The following PTPRQ variants were observed in gnomAD, a reference collection of about 807,000 sequenced individuals.
The protein encoded by PTPRQ is protein tyrosine phosphatase receptor type Q, also known as phosphatidylinositol phosphatase PTPRQ.
Under a neutral mutation model 246.0 loss-of-function variants are expected in PTPRQ, and 199 were observed. The observed-to-expected ratio is 0.81, with a 90% CI of 0.72 to 0.91. The LOEUF (loss-of-function observed/expected upper bound fraction) is 0.91, where lower values mean the gene tolerates loss of function less well. Ranked by LOEUF, PTPRQ falls within the 40% of genes least tolerant of loss-of-function variation. The probability of loss-of-function intolerance (pLI) is 0.00; values close to 1 mark genes in which losing one functional copy is unlikely to be tolerated. For synonymous variants in PTPRQ, 869 were observed against 853.2 expected (o/e 1.02, Z -0.32); for missense variants, 2,624 against 2,528.4 (o/e 1.04, Z -0.81).
rs1186074660 is a variant in PTPRQ at position 80,472,068 on chromosome 12, TA to T, written c.1040-31del. On this transcript the variant is annotated intron_variant, in intron 7 of 44. Coordinates refer to ENST00000644991, the MANE Select transcript of PTPRQ (RefSeq NM_001145026.2). ...AATGTGAACATGATTGCACGCTTGATAAAAAATAATCCATAGCTATCTTCCA... is the reference window on the plus strand; with the variant it reads ...AATGTGAACATGATTGCACGCTTGATAAAAATAATCCATAGCTATCTTCCA... The T allele has an allele frequency of 2.6e-6, 4 of 1,549,868 alleles. No homozygotes were observed. In the African/African-American group the frequency reaches 5.5e-5, roughly 21 times the overall value.
At chr12:80,598,206 C>T (rs1335745563) in intron 26 of PTPRQ, among the ~76,000 whole-genome samples, 1 of 151,780 alleles carries the variant, frequency 6.6e-6, no homozygotes, top group Admixed American at 6.6e-5. Context: ...TGTGCTATAC[C>T]CTCTGCAGCA....
chr12:80,605,905 T>C (rs1381666035), intron 27 of PTPRQ, among the ~76,000 whole-genome samples: 1 of 150,744 alleles, frequency 6.6e-6, no homozygotes, highest in South Asian at 2.1e-4. Context: ...AGAGGATAGA[T>C]TGAGAGCAGT....
intron 9 of PTPRQ, among the ~76,000 whole-genome samples, chr12:80,485,953 G>A (rs1894261611): frequency 6.6e-6 from 1 of 152,038 alleles, no homozygotes; most frequent in African/African-American, 2.4e-5. Flanking sequence ...GAGCTTTGGA[G>A]ACGTACAAAT....
At chr12:80,557,998 T>C (rs1350255370) in intron 25 of PTPRQ, among the ~76,000 whole-genome samples, 1 of 152,012 alleles carries the variant, frequency 6.6e-6, no homozygotes, top group Non-Finnish European at 1.5e-5. Flanking sequence ...GAAAAAGACA[T>C]TCAACCAAGT....
At chr12:80,452,820 T>C (rs1892815621) in intron 3 of PTPRQ, among the ~76,000 whole-genome samples, 1 of 152,082 alleles carries the variant, frequency 6.6e-6, no homozygotes, top group South Asian at 2.1e-4. Flanking sequence ...ATTTCAACTT[T>C]GGTGAATATG....
At chr12:80,584,275 G>A (rs2121003772) in intron 25 of PTPRQ, 1 of 152,244 alleles carries the variant, frequency 6.6e-6, no homozygotes, top group African/African-American at 2.4e-5. Context: ...AAAGAGACAA[G>A]ATGACCAAGA....
intron 17 of PTPRQ, among the ~76,000 whole-genome samples, chr12:80,521,910 C>G (rs558388379): frequency 5.1e-4 from 77 of 152,100 alleles, no homozygotes; most frequent in East Asian, 4.8e-3. Context: ...AAAGTCATTG[C>G]TAGCTTGATG....
At position 80,620,150 on chromosome 12, in the gene PTPRQ, A is replaced by G; in HGVS notation, c.5390-4A>G. On this transcript the variant is annotated splice_polypyrimidine_tract_variant and splice_region_variant and intron_variant, in intron 31 of 44. Transcript: ENST00000644991. ...ATTATTGTTCTCTTTGTTTCTGAAA[A>G]CAGCTCAGCATGATGGAAATGTAAC... 1 of 1,533,100 alleles carries G rather than the reference A, an allele frequency of 6.5e-7. No individual in the cohort carries two copies. The highest frequency in any genetic ancestry group is 8.8e-7 in the Non-Finnish European group (1 of 1,139,668). 95.0% of individuals were successfully genotyped at this position (1,533,100 alleles called of 1,614,324 possible).
chr12:80,530,535 A>C (rs566510888), intron 17 of PTPRQ, among the ~76,000 whole-genome samples: 9 of 152,306 alleles, frequency 5.9e-5, no homozygotes, highest in Admixed American at 1.3e-4. Flanking sequence ...AAGAGCTCAG[A>C]CTAATAATGT....
chr12:80,548,257 G>T (rs1480892553), intron 24 of PTPRQ, among the ~76,000 whole-genome samples: 1 of 151,258 alleles, frequency 6.6e-6, no homozygotes, highest in Non-Finnish European at 1.5e-5. Context: ...TTTTTTTGAG[G>T]TTCAAAAAAT....
intron 8 of PTPRQ, among the ~76,000 whole-genome samples, chr12:80,477,894 C>T (rs941765805): frequency 2.0e-5 from 3 of 152,180 alleles, no homozygotes; most frequent in African/African-American, 4.8e-5. Flanking sequence ...CACGGAGTCT[C>T]GCTGATTGCT....
At chr12:80,548,314 A>G (rs1896369617) in intron 24 of PTPRQ, among the ~76,000 whole-genome samples, 1 of 152,172 alleles carries the variant, frequency 6.6e-6, no homozygotes. Flanking sequence ...ACTAAAGTTC[A>G]GCAAATTGTC....
intron 43 of PTPRQ, among the ~76,000 whole-genome samples, chr12:80,677,414 C>T (rs1901180852): frequency 6.6e-6 from 1 of 152,148 alleles, no homozygotes; most frequent in Non-Finnish European, 1.5e-5. Flanking sequence ...ACCTCATTTA[C>T]AAAACTTAAC....
chr12:80,597,482 T>C (rs1898007558), intron 26 of PTPRQ, among the ~76,000 whole-genome samples: 1 of 152,022 alleles, frequency 6.6e-6, no homozygotes, highest in African/African-American at 2.4e-5. Flanking sequence ...GAATGAAAGA[T>C]AGGAGACCAG....
chr12:80,470,481 T>C (rs1436888477), intron 7 of PTPRQ, among the ~76,000 whole-genome samples: 1 of 152,152 alleles, frequency 6.6e-6, no homozygotes, highest in Non-Finnish European at 1.5e-5. Context: ...AAGTGTAAAA[T>C]AATCTTCTAG....
intron 6 of PTPRQ, among the ~76,000 whole-genome samples, chr12:80,461,254 C>T (rs1041179302): frequency 2.0e-5 from 3 of 152,070 alleles, no homozygotes; most frequent in Non-Finnish European, 4.4e-5. Flanking sequence ...TTGCCATCAT[C>T]AAAAGCAGAA....
chr12:80,537,818 G>C (rs1435255653), intron 19 of PTPRQ, among the ~76,000 whole-genome samples: 3 of 152,104 alleles, frequency 2.0e-5, no homozygotes, highest in Non-Finnish European at 2.9e-5. Context: ...ATTTTAAAAA[G>C]TGTTAAATGG....
At chr12:80,643,487 T>C (rs1474557380) in intron 35 of PTPRQ, among the ~76,000 whole-genome samples, 3 of 151,974 alleles carry the variant, frequency 2.0e-5, no homozygotes, top group Non-Finnish European at 2.9e-5. Context: ...GGTATATTTC[T>C]CTTATAAAAT....
At chr12:80,544,283 T>C (rs1421125820) in intron 23 of PTPRQ, among the ~76,000 whole-genome samples, 1 of 151,418 alleles carries the variant, frequency 6.6e-6, no homozygotes, top group East Asian at 1.9e-4. Flanking sequence ...TCCAAGCATG[T>C]GATAAATATG....
Sources: allele counts gnomAD v4.1 joint callset (sites outside exome capture counted in the v4.1 genomes callset), GRCh38; gene constraint gnomAD v4.1.1; transcripts MANE v1.5; gene names NCBI Gene and HGNC (gene_info 2026-07-23, HGNC 2026-07-21).